The following SGO2 variants were observed in gnomAD, a reference collection of about 807,000 sequenced individuals.
The protein encoded by SGO2 is shugoshin 2.
Under a neutral mutation model 99.5 loss-of-function variants are expected in SGO2, and 68 were observed. That is an observed-to-expected ratio of 0.68 (90% CI 0.56 to 0.84). The LOEUF (loss-of-function observed/expected upper bound fraction) is 0.84, where lower values mean the gene tolerates loss of function less well. Among genes scored for constraint, SGO2 ranks in the 40% least tolerant of loss-of-function variants. The probability of loss-of-function intolerance (pLI) is 0.00; values close to 1 mark genes in which losing one functional copy is unlikely to be tolerated. For missense variants in SGO2, 1,350 were observed against 1,436.7 expected, an observed-to-expected ratio of 0.94 and a Z score of 0.97; for synonymous variants, 457 against 487.1, an observed-to-expected ratio of 0.94 and a Z score of 0.81.
intron 4 of SGO2, among the ~76,000 whole-genome samples, chr2:200,539,811 C>G (rs1016694517): frequency 2.6e-5 from 4 of 152,138 alleles, no homozygotes; most frequent in Admixed American, 2.0e-4. Context: ...TGCCCTCTTT[C>G]TCTTTCTCCT....
chr2:200,532,272 G>GTTTTTTTTTTTTTTTTTT (rs58961852), intron 1 of SGO2: 1 of 187,204 alleles, frequency 5.3e-6, no homozygotes, highest in South Asian at 1.9e-4. Context: ...AGAGTTTTTT[G>GTTTTTTTTTTTTTTTTTT]TTTTTTTTTT....
intron 4 of SGO2, among the ~76,000 whole-genome samples, chr2:200,539,080 A>C (rs193057772): frequency 6.6e-6 from 1 of 152,196 alleles, no homozygotes; most frequent in East Asian, 1.9e-4. Context: ...ACAGTATTAT[A>C]ATTGTTTTTC....
intron 4 of SGO2, among the ~76,000 whole-genome samples, chr2:200,537,323 C>T (rs11903119): frequency 0.017 from 2,610 of 152,190 alleles, 91 homozygotes; most frequent in African/African-American, 0.059. Context: ...AAACCTCTTA[C>T]TTCACCTACT....
rs2033340617 is a variant in SGO2 at position 200,570,054 on chromosome 2, T to C, written c.703+162T>C. On this transcript the variant is annotated intron_variant, in intron 6 of 8. Transcript: ENST00000357799. The surrounding 1 kb of genome is among the most constrained non-coding windows in gnomAD (Gnocchi z 4.4). ...AAACTGCTGGTGATAGATTTAATTT[T>C]AAAGTAAATATGCTGACAAACATCA... 3.5e-6 allele frequency: 2 copies of C among 571,188 alleles called. No individual in the cohort carries two copies. Among genetic ancestry groups the C allele is most frequent in the African/African-American group, 3.8e-5 (2 of 52,382 alleles). 35.4% of individuals were successfully genotyped at this position (571,188 alleles called of 1,614,324 possible).
chr2:200,545,170 C>G (rs2032156263), intron 5 of SGO2, among the ~76,000 whole-genome samples: 1 of 152,090 alleles, frequency 6.6e-6, no homozygotes, highest in Admixed American at 6.5e-5. Context: ...TCATGCCCGG[C>G]TAATTTTTAT....
intron 5 of SGO2, among the ~76,000 whole-genome samples, chr2:200,547,964 C>A (rs943208210): frequency 6.6e-6 from 1 of 151,318 alleles, no homozygotes. Context: ...TTATAAATAT[C>A]TATGCACTCA....
At chr2:200,539,569 T>C (rs2031860172) in intron 4 of SGO2, among the ~76,000 whole-genome samples, 1 of 152,120 alleles carries the variant, frequency 6.6e-6, no homozygotes, top group African/African-American at 2.4e-5. Flanking sequence ...TAACTTTGAG[T>C]CAATGCTTTT....
chr2:200,564,543 T>C (rs2033108514), intron 5 of SGO2, among the ~76,000 whole-genome samples: 1 of 152,202 alleles, frequency 6.6e-6, no homozygotes, highest in African/African-American at 2.4e-5. Context: ...TTCTGTTGAT[T>C]TGGAGTGGAG....
At chr2:200,527,863 TAAAAC>T (rs1321445537) in intron 1 of SGO2, among the ~76,000 whole-genome samples, 5 of 152,100 alleles carry the variant, frequency 3.3e-5, no homozygotes, top group Non-Finnish European at 7.4e-5. Flanking sequence ...CGGAGAAAAA[TAAAAC>T]AGAAGGGGAG....
At chr2:200,532,272 GTTTTT>G in intron 1 of SGO2, 1 of 186,606 alleles carries the variant, frequency 5.4e-6, no homozygotes. Flanking sequence ...AGAGTTTTTT[GTTTTT>G]TTTTTTGTTT....
intron 4 of SGO2, among the ~76,000 whole-genome samples, chr2:200,539,811 C>T (rs1016694517): frequency 2.6e-5 from 4 of 152,138 alleles, no homozygotes; most frequent in African/African-American, 9.7e-5. Context: ...TGCCCTCTTT[C>T]TCTTTCTCCT....
At chr2:200,534,490 A>G (rs1574834784) in intron 2 of SGO2, among the ~76,000 whole-genome samples, 1 of 152,328 alleles carries the variant, frequency 6.6e-6, no homozygotes, top group African/African-American at 2.4e-5. Context: ...GTATGGCTCT[A>G]TCACTCAAAG....
chr2:200,562,771 A>G (rs1197784363), intron 5 of SGO2, among the ~76,000 whole-genome samples: 1 of 152,160 alleles, frequency 6.6e-6, no homozygotes, highest in Admixed American at 6.5e-5. Context: ...GAGGTCCTTC[A>G]CATCCCTTGT....
chr2:200,530,285 G>A (rs544517466), intron 1 of SGO2, among the ~76,000 whole-genome samples: 27 of 152,310 alleles, frequency 1.8e-4, no homozygotes, highest in Admixed American at 9.1e-4. Context: ...GAATTGGTCA[G>A]ATTCTAAATA....
At position 200,572,574 on chromosome 2, in the gene SGO2, C is replaced by T. The variant is rs1559217486; in HGVS notation, c.2228C>T (p.Ser743Leu). 1.2e-6 allele frequency: 2 copies of T among 1,611,414 alleles called. No individual in the cohort carries two copies. Among genetic ancestry groups the T allele is most frequent in the South Asian group, 1.1e-5 (1 of 90,944 alleles). ...ATAGAATACACAGTTAAAAGTCACT[C>T]ACTCTTTTTAACGCAAAAAGATAAG... Reference protein sequence around the residue: ...KSIEYTVKSHSLFLTQKDKEI... With the variant: ...KSIEYTVKSHLLFLTQKDKEI... The change falls in exon 7 of 9, where the codon TCA becomes TTA. Residue 743 changes from serine (S) to leucine (L), a missense_variant. Physicochemically the swap from Ser to Leu is moderately radical, Grantham distance 145. Transcript: ENST00000357799.
At chr2:200,545,147 C>T (rs1238458143) in intron 5 of SGO2, among the ~76,000 whole-genome samples, 1 of 152,174 alleles carries the variant, frequency 6.6e-6, no homozygotes, top group Non-Finnish European at 1.5e-5. Flanking sequence ...GCTGGGACTA[C>T]AGGTGCATGC....
chr2:200,565,731 T>C (rs899869849), intron 5 of SGO2, among the ~76,000 whole-genome samples: 2 of 152,222 alleles, frequency 1.3e-5, no homozygotes, highest in African/African-American at 4.8e-5. Context: ...TTTCACATAG[T>C]CCCATATTTC....
At chr2:200,537,685 A>T (rs1473178364) in intron 4 of SGO2, among the ~76,000 whole-genome samples, 1 of 152,030 alleles carries the variant, frequency 6.6e-6, no homozygotes, top group African/African-American at 2.4e-5. Context: ...CACTCCTCCT[A>T]AATAATTTTA....
chr2:200,528,345 G>C (rs35741037), intron 1 of SGO2, among the ~76,000 whole-genome samples: 33,305 of 152,180 alleles, frequency 0.22, 3,864 homozygotes, highest in Middle Eastern at 0.3. Flanking sequence ...GTACATGGGA[G>C]AGAATGGCAA....
Sources: gnomAD v4.1 joint callset for allele counts (sites outside exome capture counted in the v4.1 genomes callset) on GRCh38, gnomAD v4.1.1 for gene constraint, Gnocchi (gnomAD v3.1) non-coding constraint, MANE v1.5 for transcripts, NCBI Gene and HGNC (gene_info 2026-07-23, HGNC 2026-07-21) for gene names.